The following TCF4 variants were observed in gnomAD, a reference collection of about 807,000 sequenced individuals.
The protein encoded by TCF4 is transcription factor 4, also known as SL3-3 enhancer factor 2.
In TCF4, 3 loss-of-function variants were observed where a neutral mutation model predicts 82.1. The observed-to-expected ratio is 0.04, with a 90% confidence interval of 0.02 to 0.09. The LOEUF (loss-of-function observed/expected upper bound fraction) is 0.09, where lower values mean the gene tolerates loss of function less well. Among genes scored for constraint, TCF4 ranks in the 10% least tolerant of loss-of-function variants. TCF4 has a pLI of 1.00. For synonymous variants in TCF4, 276 were observed against 309.6 expected, an observed-to-expected ratio of 0.89 and a Z score of 1.14; for missense variants, 518 against 852.7, an observed-to-expected ratio of 0.61 and a Z score of 4.89.
chr18:55,403,367 G>T, intron 6 of TCF4, 87 bp downstream of exon 6: 1 of 1,487,482 alleles, frequency 6.7e-7, no homozygotes, highest in Non-Finnish European at 9.4e-7. Flanking sequence ...TGGTGTCACA[G>T]TTTAAAATGC....
At chr18:55,425,799 T>G (rs907891247) in intron 5 of TCF4, among the ~76,000 whole-genome samples, 2 of 152,164 alleles carry the variant, frequency 1.3e-5, no homozygotes, top group Admixed American at 1.3e-4. Context: ...GAGATTTCAT[T>G]TCTTTTGTTA....
chr18:55,377,128 A>G (rs998622452), intron 6 of TCF4, among the ~76,000 whole-genome samples: 3 of 152,224 alleles, frequency 2.0e-5, no homozygotes, highest in African/African-American at 7.2e-5. Context: ...GTGACTCTCC[A>G]TCAACATGTT....
At chr18:55,276,190 A>T (rs1329447246) in intron 9 of TCF4, among the ~76,000 whole-genome samples, 1 of 152,204 alleles carries the variant, frequency 6.6e-6, no homozygotes, top group Non-Finnish European at 1.5e-5. Flanking sequence ...TATTAATTTT[A>T]AAAAATCTCA....
At chr18:55,318,330 A>G (rs1158988687) in intron 8 of TCF4, among the ~76,000 whole-genome samples, 1 of 152,110 alleles carries the variant, frequency 6.6e-6, no homozygotes, top group Admixed American at 6.6e-5. Context: ...TATAGCCTTA[A>G]TAAGGACAGA....
intron 8 of TCF4, among the ~76,000 whole-genome samples, chr18:55,343,104 C>T (rs2080368331): frequency 6.6e-6 from 1 of 152,054 alleles, no homozygotes; most frequent in African/African-American, 2.4e-5. Context: ...GTAACAGTGA[C>T]ACTTTTTGTA....
intron 6 of TCF4, among the ~76,000 whole-genome samples, chr18:55,368,427 T>A (rs950879363): frequency 2.0e-5 from 3 of 152,110 alleles, no homozygotes; most frequent in Non-Finnish European, 4.4e-5. Flanking sequence ...ATGAGAGTTA[T>A]AGATGTTATG....
chr18:55,292,351 T>C (rs1419445552), intron 8 of TCF4, among the ~76,000 whole-genome samples: 1 of 152,152 alleles, frequency 6.6e-6, no homozygotes. Flanking sequence ...TTTTGGATTT[T>C]CAAAAATAGA....
chr18:55,397,895 A>G (rs1412047370), intron 6 of TCF4, among the ~76,000 whole-genome samples: 1 of 152,208 alleles, frequency 6.6e-6, no homozygotes, highest in East Asian at 1.9e-4. Context: ...AATACTGTAT[A>G]ACAAATACAA....
intron 3 of TCF4, among the ~76,000 whole-genome samples, chr18:55,542,033 T>C (rs1480592079): frequency 6.6e-6 from 1 of 151,962 alleles, no homozygotes; most frequent in African/African-American, 2.4e-5. Context: ...CTATAAGCTT[T>C]TATATTTGAA....
intron 6 of TCF4, among the ~76,000 whole-genome samples, chr18:55,361,628 G>A (rs2085225983): frequency 6.6e-6 from 1 of 152,142 alleles, no homozygotes; most frequent in Non-Finnish European, 1.5e-5. Flanking sequence ...AGCTATGCTG[G>A]GGAGGTCCAC....
At chr18:55,352,721 T>G (rs2082571767) in intron 6 of TCF4, among the ~76,000 whole-genome samples, 1 of 152,120 alleles carries the variant, frequency 6.6e-6, no homozygotes, top group African/African-American at 2.4e-5. Flanking sequence ...ATAATAAAGT[T>G]TTGCATAAAT....
intron 2 of TCF4, among the ~76,000 whole-genome samples, chr18:55,623,755 AT>A (rs1401674518): frequency 5.3e-5 from 8 of 152,182 alleles, no homozygotes; most frequent in African/African-American, 1.7e-4. Flanking sequence ...TGTGAGTCCC[AT>A]TAGTGTGAAT....
intron 3 of TCF4, among the ~76,000 whole-genome samples, chr18:55,522,822 C>T (rs1157081635): frequency 6.6e-6 from 1 of 151,978 alleles, no homozygotes; most frequent in African/African-American, 2.4e-5. Context: ...CAAAAGAGAT[C>T]TAGTTAAGAA....
chr18:55,549,276 G>A (rs1390091405), intron 3 of TCF4, among the ~76,000 whole-genome samples: 2 of 151,992 alleles, frequency 1.3e-5, no homozygotes, highest in African/African-American at 2.4e-5. Context: ...ACTCCAGCCT[G>A]GGTGACAGAG....
At chr18:55,422,060 AC>A in intron 5 of TCF4, 1 of 473,362 alleles carries the variant, frequency 2.1e-6, no homozygotes, top group Non-Finnish European at 2.8e-6. Context: ...TCAAACTCTT[AC>A]ACTAAACCAC....
At chr18:55,399,829 TTCTCTCTC>T (rs147568400) in intron 6 of TCF4, among the ~76,000 whole-genome samples, 1 of 80,774 alleles carries the variant, frequency 1.2e-5, no homozygotes, top group Admixed American at 1.2e-4. Flanking sequence ...GCAGCTTTCT[TTCTCTCTC>T]TCTCTCTCTC....
At chr18:55,508,913 T>C (rs942810569) in intron 3 of TCF4, among the ~76,000 whole-genome samples, 1 of 152,180 alleles carries the variant, frequency 6.6e-6, no homozygotes, top group African/African-American at 2.4e-5. Flanking sequence ...CCAAACAAAA[T>C]GTAAATCGTA....
At chr18:55,546,866 G>A (rs2097211642) in intron 3 of TCF4, 1 of 152,166 alleles carries the variant, frequency 6.6e-6, no homozygotes, top group Non-Finnish European at 1.5e-5. Context: ...CTTACTTTCA[G>A]TCTTTGGAAA....
At chr18:55,626,776 G>A (rs1337439707) in intron 2 of TCF4, among the ~76,000 whole-genome samples, 3 of 152,048 alleles carry the variant, frequency 2.0e-5, no homozygotes, top group African/African-American at 7.2e-5. Context: ...CCACTTAAAG[G>A]CAAATAATAT....
Sources: allele counts gnomAD v4.1 joint callset (sites outside exome capture counted in the v4.1 genomes callset), GRCh38; gene constraint gnomAD v4.1.1; transcripts MANE v1.5; gene names NCBI Gene and HGNC (gene_info 2026-07-23, HGNC 2026-07-21).